NEBL: variants seen among roughly 807,000 people sequenced by gnomAD.
NEBL encodes nebulette, also known as LIM and SH3 protein 2.
NEBL carries 122 observed loss-of-function variants against 140.2 expected under a neutral mutation model. The ratio of observed to expected loss-of-function variants is 0.87; its 90% CI spans 0.75 to 1.01. The LOEUF (loss-of-function observed/expected upper bound fraction) is 1.01, where lower values mean the gene tolerates loss of function less well. NEBL is among the 50% of genes least tolerant of loss of function. The pLI is 0.00. For synonymous variants in NEBL, 436 were observed against 398.9 expected (o/e 1.09, Z -1.11); for missense variants, 1,365 against 1,231.3 (o/e 1.11, Z -1.62).
At chr10:20,992,325 TATAG>T (rs1837488436) in intron 3 of NEBL, among the ~76,000 whole-genome samples, 1 of 152,196 alleles carries the variant, frequency 6.6e-6, no homozygotes, top group South Asian at 2.1e-4. Flanking sequence ...AGGTTGAAGT[TATAG>T]ATACTTTCTC....
exon 2 of NEBL, among the ~76,000 whole-genome samples, chr10:21,251,796 G>C (rs1842592547): frequency 6.6e-6 from 1 of 152,152 alleles, no homozygotes; most frequent in Admixed American, 6.6e-5. Flanking sequence ...GAATCTGCCA[G>C]CGTCTTGATC....
chr10:20,845,614 T>G (rs1309958730), intron 11 of NEBL: 1 of 415,874 alleles, frequency 2.4e-6, no homozygotes, highest in Non-Finnish European at 4.4e-6. Flanking sequence ...TCCTAACATC[T>G]TACTAGCCTA....
At position 20,955,066 on chromosome 10, in the gene NEBL, T is replaced by G. The variant is rs530337038; in HGVS notation, c.357+6606A>C. Among the ~76,000 whole-genome samples the G allele has an allele frequency of 4.6e-5, 7 of 152,308 alleles. No individual in the cohort carries two copies. The East Asian group carries it at 1.4e-3, about 29-fold the overall frequency. ...TCAGATGTGCATTTTAGGAAAACCT[T>G]GCAAGAAACTGTAAGGAGAATAGCC... On this transcript the variant is annotated intron_variant, in intron 4 of 6. Transcript: ENST00000417816.
At chr10:20,958,329 G>A (rs1484423919) in intron 4 of NEBL, among the ~76,000 whole-genome samples, 1 of 152,212 alleles carries the variant, frequency 6.6e-6, no homozygotes, top group East Asian at 1.9e-4. Flanking sequence ...GGGGCAAGGA[G>A]AGGGTGGATG....
intron 2 of NEBL, among the ~76,000 whole-genome samples, chr10:21,061,143 T>A (rs1249863176): frequency 2.0e-5 from 3 of 151,646 alleles, no homozygotes; most frequent in African/African-American, 7.3e-5. Context: ...GTCCCCTTTT[T>A]TATATATGAT....
intron 2 of NEBL, among the ~76,000 whole-genome samples, chr10:21,139,987 C>CAAAAAAAAAA (rs11289396): frequency 7.0e-5 from 7 of 99,678 alleles, no homozygotes; most frequent in African/African-American, 1.0e-4. Flanking sequence ...CCTGTCTCAA[C>CAAAAAAAAAA]AAAAAAAAAA....
chr10:21,239,343 T>A (rs576136824), intron 3 of NEBL, among the ~76,000 whole-genome samples: 4 of 152,134 alleles, frequency 2.6e-5, no homozygotes, highest in African/African-American at 9.6e-5. Flanking sequence ...TGCCAAGAAA[T>A]AGTCGTTTGA....
rs189448297 is a variant in NEBL, at chr10:21,242,139, T to C, written n.348+5782A>G. 1.6e-4 allele frequency among the ~76,000 whole-genome samples: 24 copies of C among 152,066 alleles called. No individual in the cohort carries two copies. The East Asian group carries it at 4.5e-3, about 28-fold the overall frequency. On this transcript the variant is annotated intron_variant and non_coding_transcript_variant, in intron 3 of 8. Transcript: ENST00000675702. The stretch of plus-strand genomic sequence containing the variant: ...ATCACTTGAGCCTGGGAGGCAGAAG[T>C]TGGAGTGAGCCAAGATCACGCCACC...
Position 20,852,507 on chromosome 10 carries a change from T to C in NEBL, c.1008+38A>G, listed in dbSNP as rs749087161. 7 of 1,449,572 alleles carry C rather than the reference T, an allele frequency of 4.8e-6. No individual in the cohort carries two copies. The East Asian group carries it at 7.0e-5, about 14-fold the overall frequency. The allele number at this position is 1,449,572 out of a possible 1,614,324, so 89.8% of individuals were successfully genotyped here. On this transcript the variant is annotated intron_variant, in intron 10 of 27. Transcript: ENST00000377122. Reference sequence around the variant, plus strand: ...GGGCCTCAGGATGGTTACGGGTTGCTGGCAGGGAGGGTAGGTACCGTACGG... The same window carrying C: ...GGGCCTCAGGATGGTTACGGGTTGCCGGCAGGGAGGGTAGGTACCGTACGG...
At chr10:21,235,340 TTTTA>T (rs1842333960) in intron 3 of NEBL, among the ~76,000 whole-genome samples, 1 of 151,914 alleles carries the variant, frequency 6.6e-6, no homozygotes, top group South Asian at 2.1e-4. Flanking sequence ...ACATAAGTGT[TTTTA>T]TTTATTTATT....
At chr10:20,983,854 A>G (rs1248000991) in intron 3 of NEBL, among the ~76,000 whole-genome samples, 1 of 152,244 alleles carries the variant, frequency 6.6e-6, no homozygotes, top group Admixed American at 6.5e-5. Flanking sequence ...CTGGATGACT[A>G]TAATTTACAC....
chr10:21,030,515 T>C (rs1833735330), intron 2 of NEBL: 2 of 810,166 alleles, frequency 2.5e-6, no homozygotes, highest in Admixed American at 1.8e-5. Context: ...GGAGAATGCT[T>C]GGTGAAGTGA....
chr10:20,831,151 T>C (rs773423659), intron 16 of NEBL, 45 bp downstream of exon 16: 2 of 1,303,970 alleles, frequency 1.5e-6, no homozygotes, highest in South Asian at 2.4e-5. Context: ...CATGGCAACA[T>C]GACATTGGAA....
At chr10:21,182,938 C>G (rs1175363912) in intron 3 of NEBL, among the ~76,000 whole-genome samples, 2 of 152,174 alleles carry the variant, frequency 1.3e-5, no homozygotes, top group Non-Finnish European at 2.9e-5. Context: ...TCAAATTGGA[C>G]TAGCCACATT....
At chr10:20,853,072 G>A (rs1193485125) in intron 9 of NEBL, among the ~76,000 whole-genome samples, 1 of 151,958 alleles carries the variant, frequency 6.6e-6, no homozygotes, top group Admixed American at 6.6e-5. Context: ...AAAGAACAGA[G>A]GAAAAGAAAC....
chr10:21,167,605 G>A (rs373360265), intron 2 of NEBL, among the ~76,000 whole-genome samples: 1 of 152,080 alleles, frequency 6.6e-6, no homozygotes, highest in African/African-American at 2.4e-5. Flanking sequence ...TTTAAGAACC[G>A]ACGTATATTT....
chr10:21,138,823 A>T (rs973703757), intron 2 of NEBL, among the ~76,000 whole-genome samples: 6 of 98,980 alleles, frequency 6.1e-5, no homozygotes, highest in Non-Finnish European at 9.4e-5. Flanking sequence ...TAAACTATTT[A>T]AAAAAAAAAA....
At chr10:20,873,489 G>T (rs1845181407) in intron 5 of NEBL, among the ~76,000 whole-genome samples, 1 of 151,966 alleles carries the variant, frequency 6.6e-6, no homozygotes, top group South Asian at 2.1e-4. Context: ...AGGAGGAGGA[G>T]GGGGAAAAGA....
chr10:20,894,298 C>T (rs1165309463), intron 2 of NEBL, among the ~76,000 whole-genome samples: 1 of 151,410 alleles, frequency 6.6e-6, no homozygotes, highest in African/African-American at 2.4e-5. Flanking sequence ...AGTGAGACTC[C>T]ATCTCTACGA....
Sources: gnomAD v4.1 joint callset for allele counts (sites outside exome capture counted in the v4.1 genomes callset) on GRCh38, gnomAD v4.1.1 for gene constraint, MANE v1.5 for transcripts, NCBI Gene and HGNC (gene_info 2026-07-23, HGNC 2026-07-21) for gene names.